The following PPOX variants were observed in gnomAD, a reference collection of about 807,000 sequenced individuals.
PPOX encodes protoporphyrinogen oxidase, also known as variegate porphyria.
A neutral mutation model predicts 54.1 loss-of-function variants in PPOX; 23 were observed. That is an observed-to-expected ratio of 0.43 (90% CI 0.31 to 0.60). The LOEUF is 0.60. Among genes scored for constraint, PPOX ranks in the 20% least tolerant of loss-of-function variants. The pLI, the probability that PPOX is intolerant of heterozygous loss-of-function variation, is 0.13. For synonymous variants in PPOX, 224 were observed against 236.1 expected, an observed-to-expected ratio of 0.95 and a Z score of 0.47; for missense variants, 512 against 601.1, an observed-to-expected ratio of 0.85 and a Z score of 1.55.
At chr1:161,174,845 AAGAGC>A, downstream of PPOX, 1 of 770,548 alleles carries the variant, frequency 1.3e-6, no homozygotes, top group South Asian at 1.7e-5. Context: ...ACAAAGTTGG[AAGAGC>A]AGTGCCGGGT....
upstream of PPOX, chr1:161,165,994 C>A: frequency 1.4e-6 from 1 of 729,328 alleles, no homozygotes; most frequent in Non-Finnish European, 1.7e-6. Flanking sequence ...CCACTGTTGA[C>A]AAACACTGGG....
intron 4 of PPOX, 69 bp downstream of exon 4, chr1:161,167,555 TTC>T (rs371493800): frequency 2.0e-4 from 259 of 1,326,848 alleles, no homozygotes; most frequent in Non-Finnish European, 2.3e-4. Flanking sequence ...CTTTCTTCTT[TTC>T]TTTTTTTTTT....
chr1:161,170,503 C>T lies in PPOX; in HGVS notation c.1082C>T (p.Pro361Leu), dbSNP rs751946132. 1 of 1,614,088 alleles carries T rather than the reference C, an allele frequency of 6.2e-7. No homozygotes were observed. The highest frequency in any genetic ancestry group is 2.2e-5 in the East Asian group (1 of 44,900). ...TTCCCTGAGCAGGACGGGAGCCCCC[C>T]TGGCCTCAGAGTGACTGTGAGGAGG... Reference protein sequence around the residue: ...VAFPEQDGSPPGLRVTVMLGG... With the variant: ...VAFPEQDGSPLGLRVTVMLGG... Residue 361 changes from proline (P) to leucine (L), a missense_variant, in exon 10 of 13, where the codon CCT (proline) becomes CTT (leucine). Coordinates refer to ENST00000367999, the MANE Select transcript of PPOX (RefSeq NM_001122764.3).
downstream of PPOX, chr1:161,177,564 G>T (rs904682878): frequency 5.5e-5 from 9 of 165,052 alleles, no homozygotes; most frequent in Admixed American, 4.7e-4. Flanking sequence ...GGCTGACTAG[G>T]CACCCGGTCC....
Position 161,168,032 on chromosome 1 carries a change from C to T in PPOX, c.376C>T (p.Leu126=). 6.2e-7 allele frequency: 1 copy of T among 1,614,194 alleles called. No individual in the cohort carries two copies. Among genetic ancestry groups the T allele is most frequent in the South Asian group, 1.1e-5 (1 of 91,084 alleles). Residue 126 remains leucine, a synonymous_variant, in exon 5 of 13, where the codon CTG becomes TTG. Transcript: ENST00000367999. ...LRPSPPFSKP[L]FWAGLRELTK... ...CCCTTCACCCCCCTTCTCCAAACCTCTGTTTTGGGCTGGGCTGAGGGAGCT... is the reference window on the plus strand; with the variant it reads ...CCCTTCACCCCCCTTCTCCAAACCTTTGTTTTGGGCTGGGCTGAGGGAGCT...
downstream of PPOX, chr1:161,177,220 G>C (rs186324339): frequency 2.3e-4 from 166 of 717,028 alleles, no homozygotes; most frequent in African/African-American, 2.6e-3. Context: ...CAGCTCTTTC[G>C]GAGCACGCCC....
At chr1:161,172,823 T>G (rs1661950149), downstream of PPOX, among the ~76,000 whole-genome samples, 1 of 147,700 alleles carries the variant, frequency 6.8e-6, no homozygotes, top group Non-Finnish European at 1.5e-5. Flanking sequence ...AGGCCAGGAG[T>G]TCAAGACCAG....
rs1249505772 is a variant in PPOX, at chr1:161,170,502, C to T, written c.1081C>T (p.Pro361Ser). Residue 361 changes from proline (P) to serine (S), a missense_variant, in exon 10 of 13, where the codon CCT becomes TCT. By Grantham distance (74) the Pro-to-Ser change is moderately conservative. Transcript: ENST00000367999. ...TTTCCCTGAGCAGGACGGGAGCCCC[C>T]CTGGCCTCAGAGTGACTGTGAGGAG... ...VAFPEQDGSP[P>S]GLRVTVMLGG... The T allele has an allele frequency of 2.5e-6, 4 of 1,614,232 alleles. No homozygotes were observed. Among genetic ancestry groups the T allele is most frequent in the South Asian group, 2.2e-5 (2 of 91,084 alleles).
upstream of PPOX, chr1:161,166,317 G>T: frequency 9.7e-7 from 1 of 1,026,146 alleles, no homozygotes; most frequent in Non-Finnish European, 1.2e-6. Context: ...CCGTCGCTCC[G>T]CCTCTGCCAG....
At chr1:161,171,570 G>A (rs557770040), downstream of PPOX, 35 of 610,094 alleles carry the variant, frequency 5.7e-5, no homozygotes, top group Middle Eastern at 1.8e-3. Flanking sequence ...CCTAGGAATC[G>A]TCACATAAAA....
At chr1:161,175,091 G>T, downstream of PPOX, 1 of 1,614,076 alleles carries the variant, frequency 6.2e-7, no homozygotes. Context: ...CGGGCACGAT[G>T]AGGCACAATG....
At chr1:161,169,271 A>T in intron 7 of PPOX, 88 bp downstream of exon 7, 1 of 1,476,904 alleles carries the variant, frequency 6.8e-7, no homozygotes, top group Admixed American at 1.8e-5. Flanking sequence ...ATAGGACTGG[A>T]GTTCCTCATT....
chr1:161,166,576 G>A lies in PPOX; in HGVS notation c.-105G>A, dbSNP rs889610023. 3.7e-5 allele frequency: 52 copies of A among 1,416,874 alleles called. No homozygotes were observed. In the African/African-American group the frequency reaches 5.9e-4, roughly 16 times the overall value. 87.8% of individuals were successfully genotyped at this position (1,416,874 alleles called of 1,614,324 possible). A position where few individuals can be genotyped will look rare whatever the true frequency, so the allele number is the denominator to read the frequency against. The stretch of plus-strand genomic sequence containing the variant: ...CCCTGCGAGGGCCGATAGCGAGGGT[G>A]TGGCCCTTATCTGCACCCAGCAGAG... On this transcript the variant is annotated 5_prime_UTR_variant, in exon 1 of 13. In the 5' UTR this introduces an upstream ATG that the reference lacks. Coordinates refer to ENST00000367999, the MANE Select transcript of PPOX (RefSeq NM_001122764.3).
At chr1:161,166,786 C>G in intron 1 of PPOX, 54 bp from the exon 2 acceptor site, 2 of 1,602,996 alleles carry the variant, frequency 1.2e-6, no homozygotes, top group Non-Finnish European at 1.7e-6. Flanking sequence ...GGCGGGGCTT[C>G]TGGAGCGCAG....
At chr1:161,165,776 T>C (rs1366123330), upstream of PPOX, 5 of 208,900 alleles carry the variant, frequency 2.4e-5, no homozygotes, top group South Asian at 1.9e-4. Context: ...CTGAGCCAAA[T>C]TGGAGTCTTC....
downstream of PPOX, chr1:161,171,332 G>A: frequency 7.9e-7 from 1 of 1,270,800 alleles, no homozygotes; most frequent in Non-Finnish European, 1.1e-6. Flanking sequence ...TCCTTTATTA[G>A]AAAATATATC....
chr1:161,173,570 G>C, downstream of PPOX: 1 of 1,612,734 alleles, frequency 6.2e-7, no homozygotes, highest in East Asian at 2.2e-5. Context: ...GATCCAGACT[G>C]GGGTCAGGAG....
chr1:161,167,706 A>G (rs1243202216), intron 4 of PPOX: 2 of 731,280 alleles, frequency 2.7e-6, no homozygotes, highest in Non-Finnish European at 4.3e-6. Flanking sequence ...CTGGGACTAC[A>G]GGTGCCTACC....
chr1:161,176,288 T>A, intron 4 of PPOX: 1 of 605,114 alleles, frequency 1.7e-6, no homozygotes, highest in Non-Finnish European at 2.9e-6. Context: ...AGTTTCGCTC[T>A]CCTCTACCTC....
Sources: allele counts gnomAD v4.1 joint callset (sites outside exome capture counted in the v4.1 genomes callset), GRCh38; gene constraint gnomAD v4.1.1; transcripts MANE v1.5; gene names NCBI Gene and HGNC (gene_info 2026-07-23, HGNC 2026-07-21).